The following PUS7L variants were observed in gnomAD, a reference collection of about 807,000 sequenced individuals.
PUS7L encodes pseudouridylate synthase PUS7L.
In PUS7L, 49 loss-of-function variants were observed where a neutral mutation model predicts 51.1. That is an observed-to-expected ratio of 0.96 (90% CI 0.76 to 1.22). The LOEUF (loss-of-function observed/expected upper bound fraction) is 1.22, where lower values mean the gene tolerates loss of function less well. Among genes scored for constraint, PUS7L ranks in the 50% most tolerant of loss-of-function variants. The probability of loss-of-function intolerance (pLI) is 0.00; values close to 1 mark genes in which losing one functional copy is unlikely to be tolerated. For synonymous variants in PUS7L, 277 were observed against 276.2 expected (o/e 1.00, Z -0.03); for missense variants, 828 against 820.6 (o/e 1.01, Z -0.11).
intron 2 of PUS7L, among the ~76,000 whole-genome samples, chr12:43,752,424 A>C (rs1938498612): frequency 6.6e-6 from 1 of 152,194 alleles, no homozygotes. Context: ...AATTCTTTCC[A>C]AGTTCCAAGG....
rs570771094 is a variant in PUS7L at position 43,723,780 on chromosome 12, T to C, written c.*6596A>G. On this transcript the variant is annotated 3_prime_UTR_variant, in exon 9 of 9. Coordinates refer to ENST00000344862, the MANE Select transcript of PUS7L (RefSeq NM_031292.5). ...GGCTTAGAAAAACAGATTAAAACAG[T>C]ACTATAAGAGAATCTTTCTGAAACT... 6.4e-4 allele frequency: 97 copies of C among 152,142 alleles called. No homozygotes were observed. Among genetic ancestry groups the C allele is most frequent in the African/African-American group, 2.2e-3 (91 of 41,534 alleles). The allele number at this position is 152,142 out of a possible 1,614,324, so 9.4% of individuals were successfully genotyped here. A position where few individuals can be genotyped will look rare whatever the true frequency, so the allele number is the denominator to read the frequency against.
chr12:43,748,740 T>TG (rs1938298122), intron 2 of PUS7L, 131 bp from the exon 3 acceptor site: 1 of 794,096 alleles, frequency 1.3e-6, no homozygotes, highest in South Asian at 2.0e-5. Context: ...TTGTTGTTGT[T>TG]TTGTGATGGA....
At chr12:43,736,845 A>G (rs1485282620) in intron 6 of PUS7L, among the ~76,000 whole-genome samples, 184 bp from the exon 7 acceptor site, 1 of 151,582 alleles carries the variant, frequency 6.6e-6, no homozygotes, top group Non-Finnish European at 1.5e-5. Context: ...ATATGGCCCT[A>G]CTTTCACTTT....
intron 2 of PUS7L, among the ~76,000 whole-genome samples, chr12:43,750,392 A>G (rs1407869432): frequency 6.6e-6 from 1 of 152,234 alleles, no homozygotes; most frequent in Non-Finnish European, 1.5e-5. Flanking sequence ...TAAAATATTT[A>G]ATTGATTTAA....
chr12:43,732,434 A>AAG (rs965747641), intron 7 of PUS7L, among the ~76,000 whole-genome samples: 9 of 151,988 alleles, frequency 5.9e-5, no homozygotes, highest in Middle Eastern at 3.2e-3. Context: ...GTGACAGAGC[A>AAG]AGACTCTGTC....
In PUS7L at chr12:43,736,656, C is replaced by G. The variant is rs1221570016; in HGVS notation, c.1450G>C (p.Ala484Pro). The change falls in exon 7 of 9, where the codon GCT (alanine) becomes CCT (proline). Residue 484 changes from alanine (A) to proline (P), a missense_variant. Coordinates refer to ENST00000344862, the MANE Select transcript of PUS7L (RefSeq NM_031292.5). Reference protein sequence around the residue: ...AKKYFLQTEDAKGTLSLMPEF... With the variant: ...AKKYFLQTEDPKGTLSLMPEF... Reference sequence around the variant, plus strand: ...GGCATCAATGAAAGTGTGCCTTTAGCATCCTCTGAAACAAAGGGTAAATCA... The same window carrying G: ...GGCATCAATGAAAGTGTGCCTTTAGGATCCTCTGAAACAAAGGGTAAATCA... 1.9e-6 allele frequency: 3 copies of G among 1,612,848 alleles called. No individual in the cohort carries two copies. The highest frequency in any genetic ancestry group is 2.5e-6 in the Non-Finnish European group (3 of 1,179,058).
rs1939043400 is a variant in PUS7L, at chr12:43,758,670, CACA to C, written c.-17+57_-17+59del. 2.0e-4 allele frequency: 84 copies of C among 425,058 alleles called. 1 individual carries two copies. The highest frequency in any genetic ancestry group is 2.1e-4 in the Non-Finnish European group (78 of 376,482). 26.3% of individuals were successfully genotyped at this position (425,058 alleles called of 1,614,324 possible). A position where few individuals can be genotyped will look rare whatever the true frequency, so the allele number is the denominator to read the frequency against. ...AACCTCGTCACCCCCCCCCCCCACA[CACA>C]CACACACACACACACATACAAGCCC... On this transcript the variant is annotated intron_variant, in intron 1 of 8. Transcript: ENST00000344862.
rs1473181032 is a variant in PUS7L, at chr12:43,724,837, G to A, written c.*5539C>T. 6.6e-6 allele frequency: 1 copy of A among 152,102 alleles called. No individual in the cohort carries two copies. The highest frequency in any genetic ancestry group is 1.5e-5 in the Non-Finnish European group (1 of 67,990). The allele number at this position is 152,102 out of a possible 1,614,324, so 9.4% of individuals were successfully genotyped here. ...ATTATTTATTTAATACCTTTAAATT[G>A]ATTCTACCTCTTTAAAATTAAATTT... On this transcript the variant is annotated 3_prime_UTR_variant, in exon 9 of 9. Coordinates refer to ENST00000344862, the MANE Select transcript of PUS7L (RefSeq NM_031292.5).
At chr12:43,747,054 C>T (rs1337123297) in intron 3 of PUS7L, among the ~76,000 whole-genome samples, 1 of 152,186 alleles carries the variant, frequency 6.6e-6, no homozygotes, top group East Asian at 1.9e-4. Context: ...CTTAGAAGCA[C>T]TCAGAAGAGT....
chr12:43,758,612 C>T (rs1040742195), intron 1 of PUS7L, 118 bp downstream of exon 1: 1 of 969,114 alleles, frequency 1.0e-6, no homozygotes, highest in Non-Finnish European at 1.2e-6. Flanking sequence ...CGTCACCTTT[C>T]TTTGGGCGCA....
At position 43,730,702 on chromosome 12, in the gene PUS7L, C is replaced by T; in HGVS notation, c.1780G>A (p.Val594Met). ...GSANMYAIHQVVLPVLGYNIQ... is the reference protein window; with the variant it reads ...GSANMYAIHQMVLPVLGYNIQ... ...TTGTATCCAAGTACTGGAAGAACCACCTGTGAAAGAAAAGAGGGAAAAAAT... is the reference window on the plus strand; with the variant it reads ...TTGTATCCAAGTACTGGAAGAACCATCTGTGAAAGAAAAGAGGGAAAAAAT... Residue 594 changes from valine to methionine, a missense_variant and splice_region_variant, in exon 9 of 9, where the codon GTG becomes ATG. Transcript: ENST00000344862. 1.9e-6 allele frequency: 3 copies of T among 1,571,830 alleles called. No homozygotes were observed. Among genetic ancestry groups the T allele is most frequent in the East Asian group, 2.3e-5 (1 of 44,124 alleles).
intron 4 of PUS7L, among the ~76,000 whole-genome samples, chr12:43,744,235 T>C (rs758599028): frequency 6.6e-6 from 1 of 152,202 alleles, no homozygotes; most frequent in Non-Finnish European, 1.5e-5. Flanking sequence ...ACATATGATA[T>C]GGTTTGGCTG....
intron 7 of PUS7L, among the ~76,000 whole-genome samples, chr12:43,732,768 A>C (rs1944588391): frequency 6.6e-6 from 1 of 152,136 alleles, no homozygotes; most frequent in South Asian, 2.1e-4. Flanking sequence ...CTTATCAATA[A>C]TGTTGCTCCT....
At chr12:43,750,732 A>C (rs1938401625) in intron 2 of PUS7L, among the ~76,000 whole-genome samples, 1 of 152,224 alleles carries the variant, frequency 6.6e-6, no homozygotes, top group Non-Finnish European at 1.5e-5. Context: ...AAAGAAAAGA[A>C]AAACAAATGA....
Position 43,736,442 on chromosome 12 carries a change from A to G in PUS7L, c.1664T>C (p.Val555Ala), listed in dbSNP as rs145402641. 6.2e-7 allele frequency: 1 copy of G among 1,614,202 alleles called. No individual in the cohort carries two copies. The highest frequency in any genetic ancestry group is 8.5e-7 in the Non-Finnish European group (1 of 1,180,034). Residue 555 changes from valine (V) to alanine (A), a missense_variant, in exon 7 of 9, where the codon GTG becomes GCG. By Grantham distance (64) the Val-to-Ala change is moderately conservative. Coordinates refer to ENST00000344862, the MANE Select transcript of PUS7L (RefSeq NM_031292.5). ...ATCCAAACAGACCAAATCACCCTGC[A>G]CTACTCTTGCTCCATAGGTTTCAAG... Reference protein sequence around the residue: ...YRLETYGARVVQGDLVCLDED... With the variant: ...YRLETYGARVAQGDLVCLDED...
At position 43,723,581 on chromosome 12, in the gene PUS7L, A is replaced by C. The variant is rs1035493516; in HGVS notation, c.*6795T>G. On this transcript the variant is annotated 3_prime_UTR_variant, in exon 9 of 9. Coordinates refer to ENST00000344862, the MANE Select transcript of PUS7L (RefSeq NM_031292.5). The stretch of plus-strand genomic sequence containing the variant: ...CCACTTGCAAGTGGCATTTCAAATC[A>C]AATGAAAACAAGGGATATTAACACT... 4 of 152,112 alleles carry C rather than the reference A, an allele frequency of 2.6e-5. No individual in the cohort carries two copies. 9.4% of individuals were successfully genotyped at this position (152,112 alleles called of 1,614,324 possible). A position where few individuals can be genotyped will look rare whatever the true frequency, so the allele number is the denominator to read the frequency against.
intron 1 of PUS7L, 67 bp downstream of exon 1, chr12:43,758,663 C>T (rs897275009): frequency 3.9e-6 from 3 of 761,608 alleles, no homozygotes; most frequent in African/African-American, 7.8e-5. Flanking sequence ...CACCCCCCCC[C>T]CCCACACACA....
At position 43,727,504 on chromosome 12, in the gene PUS7L, TAAA is replaced by T. The variant is rs993348959; in HGVS notation, c.*2869_*2871del. 3 of 151,964 alleles carry T rather than the reference TAAA, an allele frequency of 2.0e-5. No individual in the cohort carries two copies. The highest frequency in any genetic ancestry group is 7.3e-5 in the African/African-American group (3 of 41,374). The allele number at this position is 151,964 out of a possible 1,614,324, so 9.4% of individuals were successfully genotyped here. On this transcript the variant is annotated 3_prime_UTR_variant, in exon 9 of 9. Coordinates refer to ENST00000344862, the MANE Select transcript of PUS7L (RefSeq NM_031292.5). ...TATACCAGATAATACTACACAGTCA[TAAA>T]AAAGAACAAAATAATGTCTTTCCAG... is the stretch of plus-strand genomic sequence containing the variant.
chr12:43,738,851 G>A (rs764459701), intron 5 of PUS7L: 18 of 308,922 alleles, frequency 5.8e-5, no homozygotes, highest in Non-Finnish European at 9.1e-5. Flanking sequence ...ACCAGAAGAA[G>A]CACCAAGAAA....
Sources: allele counts gnomAD v4.1 joint callset (sites outside exome capture counted in the v4.1 genomes callset), GRCh38; gene constraint gnomAD v4.1.1; transcripts MANE v1.5; gene names NCBI Gene and HGNC (gene_info 2026-07-23, HGNC 2026-07-21).